PARD3: variants seen among roughly 807,000 people sequenced by gnomAD.
The protein encoded by PARD3 is partitioning defective 3 homolog.
PARD3 carries 75 observed loss-of-function variants against 155.4 expected under a neutral mutation model. The observed-to-expected ratio is 0.48, with a 90% confidence interval of 0.40 to 0.58. The LOEUF is 0.58. Ranked by LOEUF, PARD3 falls within the 20% of genes least tolerant of loss-of-function variation. The probability of loss-of-function intolerance (pLI) is 0.00; values close to 1 mark genes in which losing one functional copy is unlikely to be tolerated. For synonymous variants in PARD3, 576 were observed against 610.5 expected (o/e 0.94, Z 0.83); for missense variants, 1,642 against 1,721.7 (o/e 0.95, Z 0.82).
intron 1 of PARD3, among the ~76,000 whole-genome samples, chr10:34,778,489 G>C (rs535802314): frequency 1.6e-4 from 24 of 152,144 alleles, no homozygotes; most frequent in African/African-American, 4.8e-4. Context: ...AATTAACAAG[G>C]GGGAAAATGC....
intron 3 of PARD3, among the ~76,000 whole-genome samples, chr10:34,495,571 T>A (rs1354574736): frequency 1.3e-5 from 2 of 152,208 alleles, no homozygotes; most frequent in African/African-American, 4.8e-5. Context: ...GGTCTCTGAA[T>A]ACCCTTTCCC....
At chr10:34,626,450 T>G (rs1235453001) in intron 2 of PARD3, among the ~76,000 whole-genome samples, 6 of 152,214 alleles carry the variant, frequency 3.9e-5, no homozygotes, top group Non-Finnish European at 8.8e-5. Context: ...CAGCTTGTTC[T>G]TTTTCACTTT....
chr10:34,384,253 T>A lies in PARD3; in HGVS notation c.892A>T (p.Thr298Ser). 1 of 1,612,756 alleles carries A rather than the reference T, an allele frequency of 6.2e-7. No individual in the cohort carries two copies. The highest frequency in any genetic ancestry group is 2.2e-5 in the East Asian group (1 of 44,846). Residue 298 changes from threonine to serine, a missense_variant and splice_region_variant, in exon 8 of 25, where the codon ACC becomes TCC. Physicochemically the swap from Thr to Ser is moderately conservative, Grantham distance 58. Coordinates refer to ENST00000374788, the MANE Select transcript of PARD3 (RefSeq NM_001184785.2). The stretch of plus-strand genomic sequence containing the variant: ...AATCGTTTTACTAATAACCCCAGGG[T>A]TCTGGAACATTAAGAATGCAAATGA... Reference protein sequence around the residue: ...VVPFSARGGRTLGLLVKRLEK... With the variant: ...VVPFSARGGRSLGLLVKRLEK...
chr10:34,686,217 T>C (rs1590644356), intron 2 of PARD3, among the ~76,000 whole-genome samples: 1 of 152,206 alleles, frequency 6.6e-6, no homozygotes, highest in African/African-American at 2.4e-5. Context: ...CTTGTAGCTC[T>C]GTGAAATGTT....
At chr10:34,353,038 C>T (rs1313490761) in intron 14 of PARD3, among the ~76,000 whole-genome samples, 1 of 151,162 alleles carries the variant, frequency 6.6e-6, no homozygotes, top group African/African-American at 2.4e-5. Context: ...CCGGCCGCCC[C>T]GTCTGAGAAG....
chr10:34,524,600 T>C (rs1244257150), intron 2 of PARD3, among the ~76,000 whole-genome samples: 5 of 152,204 alleles, frequency 3.3e-5, no homozygotes, highest in Admixed American at 1.3e-4. Flanking sequence ...AGCCATCAGC[T>C]AACTGACCCA....
chr10:34,439,424 T>C (rs950538344), intron 5 of PARD3, among the ~76,000 whole-genome samples: 1 of 151,926 alleles, frequency 6.6e-6, no homozygotes, highest in Non-Finnish European at 1.5e-5. Context: ...CTTCCAACCT[T>C]GTGAAGTTAT....
intron 2 of PARD3, among the ~76,000 whole-genome samples, chr10:34,678,291 C>T (rs1184469870): frequency 6.6e-6 from 1 of 152,076 alleles, no homozygotes; most frequent in Non-Finnish European, 1.5e-5. Context: ...CCAGGCTGGT[C>T]TCAAACTTCT....
intron 18 of PARD3, among the ~76,000 whole-genome samples, chr10:34,335,568 G>A (rs976041206): frequency 1.3e-5 from 2 of 151,934 alleles, no homozygotes; most frequent in African/African-American, 4.8e-5. Context: ...ATAATCCATT[G>A]TTTCTATGGA....
intron 1 of PARD3, among the ~76,000 whole-genome samples, chr10:34,811,584 C>T (rs1383695517): frequency 1.3e-5 from 2 of 152,204 alleles, no homozygotes; most frequent in Non-Finnish European, 2.9e-5. Flanking sequence ...CCTCCAAAAT[C>T]CAGAAGCGAT....
intron 1 of PARD3, among the ~76,000 whole-genome samples, chr10:34,784,705 G>A (rs751030674): frequency 6.6e-6 from 1 of 152,192 alleles, no homozygotes; most frequent in Admixed American, 6.5e-5. Context: ...CTAAAGTGCT[G>A]GGACTGCAGG....
chr10:34,659,638 C>G (rs1227075981), intron 2 of PARD3, among the ~76,000 whole-genome samples: 1 of 152,052 alleles, frequency 6.6e-6, no homozygotes, highest in Non-Finnish European at 1.5e-5. Flanking sequence ...TTTTTATTTT[C>G]CCCCCACTGT....
intron 2 of PARD3, among the ~76,000 whole-genome samples, chr10:34,679,333 T>C (rs568993111): frequency 6.6e-6 from 1 of 152,114 alleles, no homozygotes; most frequent in East Asian, 1.9e-4. Flanking sequence ...AGGTAGTTTG[T>C]CAAGAGTAAA....
chr10:34,447,316 C>T (rs1489479865), intron 5 of PARD3, among the ~76,000 whole-genome samples: 1 of 151,458 alleles, frequency 6.6e-6, no homozygotes, highest in Non-Finnish European at 1.5e-5. Context: ...CCCATCTGTA[C>T]TAAAAACACA....
chr10:34,654,037 C>T (rs1222694688), intron 2 of PARD3, among the ~76,000 whole-genome samples: 1 of 152,082 alleles, frequency 6.6e-6, no homozygotes, highest in Non-Finnish European at 1.5e-5. Flanking sequence ...GGTGCATTAA[C>T]AGAAAAACTC....
intron 7 of PARD3, among the ~76,000 whole-genome samples, chr10:34,385,673 T>G (rs1470535295): frequency 6.6e-6 from 1 of 152,250 alleles, no homozygotes; most frequent in Non-Finnish European, 1.5e-5. Context: ...TGTTTTCCAG[T>G]AGAAATATAC....
Position 34,517,094 on chromosome 10 carries a change from C to T in PARD3, c.288G>A (p.Thr96=), listed in dbSNP as rs141701592. 5.8e-5 allele frequency: 93 copies of T among 1,613,988 alleles called. No homozygotes were observed. Among genetic ancestry groups the T allele is most frequent in the Non-Finnish European group, 6.9e-5 (82 of 1,179,996 alleles). ...HGGDGTSASS[T]GTQSPEIFGS... is the part of the protein sequence containing the mutation. ...CAAATATCTCTGGGCTCTGGGTACC[C>T]GTGGAACTGGCACTGGTGCCATCAC... The change falls in exon 3 of 25, where the codon ACG becomes ACA. Residue 96 remains threonine, a synonymous_variant. Transcript: ENST00000374788.
At chr10:34,628,460 C>G (rs779491735) in intron 2 of PARD3, among the ~76,000 whole-genome samples, 1 of 152,234 alleles carries the variant, frequency 6.6e-6, no homozygotes, top group Non-Finnish European at 1.5e-5. Flanking sequence ...GGATTTTAGG[C>G]TTTGCAGGCA....
intron 2 of PARD3, among the ~76,000 whole-genome samples, chr10:34,689,440 CA>C: frequency 6.6e-6 from 1 of 152,206 alleles, no homozygotes; most frequent in African/African-American, 2.4e-5. Context: ...GAATGTCACT[CA>C]ACAATATTTA....
Sources: allele counts gnomAD v4.1 joint callset (sites outside exome capture counted in the v4.1 genomes callset), GRCh38; gene constraint gnomAD v4.1.1; transcripts MANE v1.5; gene names NCBI Gene and HGNC (gene_info 2026-07-23, HGNC 2026-07-21).